Variants in LRP1 observed in about 807,000 individuals in gnomAD.
LRP1 encodes prolow-density lipoprotein receptor-related protein 1.
A neutral mutation model predicts 541.5 loss-of-function variants in LRP1; 51 were observed. That is an observed-to-expected ratio of 0.09 (90% confidence interval 0.08 to 0.12). LRP1 has a LOEUF of 0.12. Among genes scored for constraint, LRP1 ranks in the 10% least tolerant of loss-of-function variants. The pLI is 1.00. For missense variants in LRP1, 3,878 were observed against 6,376.2 expected (o/e 0.61, Z 13.34); for synonymous variants, 2,219 against 2,470.8 (o/e 0.90, Z 3.02).
chr12:57,193,085 C>T (rs2036451306), intron 45 of LRP1, 91 bp from the exon 46 acceptor site: 1 of 1,586,564 alleles, frequency 6.3e-7, no homozygotes, highest in Non-Finnish European at 8.6e-7. Context: ...CAAGAAGACG[C>T]TGATGATGAC....
chr12:57,162,970 C>T lies in LRP1; in HGVS notation c.2517C>T (p.Gly839=), dbSNP rs780085505. 21 of 1,602,918 alleles carry T rather than the reference C, an allele frequency of 1.3e-5. No individual in the cohort carries two copies. The highest frequency in any genetic ancestry group is 4.5e-5 in the South Asian group (4 of 89,560). ...CAEDQVLDAD[G]VTCLANPSYV... is the part of the protein sequence containing the mutation. ...AGGACCAGGTGTTGGACGCAGACGGCGTCACTTGCTTGGGTATGAGGTGCC... is the reference window on the plus strand; with the variant it reads ...AGGACCAGGTGTTGGACGCAGACGGTGTCACTTGCTTGGGTATGAGGTGCC... Residue 839 remains glycine, a synonymous_variant, in exon 15 of 89, where the codon GGC becomes GGT. Transcript: ENST00000243077. This position sits in a 1 kb window ranked among gnomAD's most constrained non-coding sequence, Gnocchi z 5.2.
At chr12:57,146,225 AG>A (rs201125804) in intron 6 of LRP1, among the ~76,000 whole-genome samples, 1 of 150,114 alleles carries the variant, frequency 6.7e-6, no homozygotes, top group East Asian at 2.0e-4. Context: ...CAACCTTAAA[AG>A]TCAACATCTG....
At chr12:57,163,323 T>C (rs1402936248) in intron 15 of LRP1, among the ~76,000 whole-genome samples, 1 of 152,122 alleles carries the variant, frequency 6.6e-6, no homozygotes, top group Non-Finnish European at 1.5e-5. Context: ...GTTCCAAATA[T>C]TGGAAATTAC....
chr12:57,143,645 G>T, intron 3 of LRP1, 34 bp from the exon 4 acceptor site: 1 of 1,595,226 alleles, frequency 6.3e-7, no homozygotes, highest in East Asian at 2.3e-5. Flanking sequence ...CAGATCTGGC[G>T]GCCTGAATAT....
At chr12:57,141,940 C>A (rs184075331) in intron 3 of LRP1, among the ~76,000 whole-genome samples, 2 of 152,346 alleles carry the variant, frequency 1.3e-5, no homozygotes, top group Admixed American at 1.3e-4. Context: ...AGTCCACCTG[C>A]CGCCCCTACG....
Position 57,162,927 on chromosome 12 carries a change from G to T in LRP1, c.2474G>T (p.Arg825Leu). 6.2e-7 allele frequency: 1 copy of T among 1,608,232 alleles called. No individual in the cohort carries two copies. ...SSLCLATPGS[R>L]QCACAEDQVL... ...CTGTGCTTGGCCACCCCTGGGAGCC[G>T]CCAGTGCGCCTGTGCTGAGGACCAG... The change falls in exon 15 of 89, where the codon CGC (arginine) becomes CTC (leucine). Residue 825 changes from arginine (R) to leucine (L), a missense_variant. Physicochemically the swap from Arg to Leu is moderately radical, Grantham distance 102. Around this residue, in one of 13 missense-constraint regions of LRP1, gnomAD observed 496 missense variants for 861.0 expected, o/e 0.58. Coordinates refer to ENST00000243077, the MANE Select transcript of LRP1 (RefSeq NM_002332.3). The surrounding 1 kb of genome is among the most constrained non-coding windows in gnomAD (Gnocchi z 5.2).
In LRP1 at chr12:57,201,823, G is replaced by A. The variant is rs770445215; in HGVS notation, c.10512G>A (p.Ser3504=). 21 of 1,613,866 alleles carry A rather than the reference G, an allele frequency of 1.3e-5. No individual in the cohort carries two copies. In the African/African-American group the frequency reaches 2.3e-4, roughly 17 times the overall value. ...TGGACGAGTTCCGCTGCAAGGATTC[G>A]GGCCGCTGCATCCCAGCGCGTTGGA... is the stretch of plus-strand genomic sequence containing the variant. ...CGVDEFRCKD[S]GRCIPARWKC... Residue 3504 remains serine, a synonymous_variant, in exon 67 of 89, where the codon TCG becomes TCA. Transcript: ENST00000243077. The surrounding 1 kb of genome is among the most constrained non-coding windows in gnomAD (Gnocchi z 6.4).
chr12:57,178,470 C>A lies in LRP1; in HGVS notation c.4473C>A (p.Val1491=). 3 of 1,614,208 alleles carry A rather than the reference C, an allele frequency of 1.9e-6. No homozygotes were observed. Among genetic ancestry groups the A allele is most frequent in the East Asian group, 2.2e-5 (1 of 44,884 alleles). ...PFAVTLYGGE[V]YWTDWRTNTL... ...CAGTGACGCTGTACGGGGGGGAGGT[C>A]TACTGGACTGACTGGCGAACAAACA... Residue 1491 remains valine (V), a synonymous_variant, in exon 27 of 89, where the codon GTC becomes GTA. Transcript: ENST00000243077. The surrounding 1 kb of genome is among the most constrained non-coding windows in gnomAD (Gnocchi z 5.8).
intron 42 of LRP1, among the ~76,000 whole-genome samples, chr12:57,190,206 C>T (rs1178271932): frequency 6.6e-6 from 1 of 152,218 alleles, no homozygotes; most frequent in Non-Finnish European, 1.5e-5. Flanking sequence ...CCACATACCC[C>T]AGGACCTGGG....
In LRP1 at chr12:57,211,170, C is replaced by CCA. The variant is rs1189469535; in HGVS notation, c.12917-3_12917-2dup. 1 of 1,613,574 alleles carries CCA rather than the reference C, an allele frequency of 6.2e-7. No individual in the cohort carries two copies. The highest frequency in any genetic ancestry group is 8.5e-7 in the Non-Finnish European group (1 of 1,179,660). ...TTGAGGCACTTCTCTCCCTCCCCAA[C>CCA]CACAGGGCAGTGCTCTGGCTACTGT... On this transcript the variant is annotated splice_polypyrimidine_tract_variant and splice_region_variant and intron_variant, in intron 83 of 88. Transcript: ENST00000243077. The surrounding 1 kb of genome is among the most constrained non-coding windows in gnomAD (Gnocchi z 4.3).
Position 57,159,832 on chromosome 12 carries a change from C to G in LRP1, c.1806C>G (p.His602Gln), listed in dbSNP as rs772753219. The G allele has an allele frequency of 6.2e-7, 1 of 1,614,068 alleles. No homozygotes were observed. The highest frequency in any genetic ancestry group is 2.2e-5 in the East Asian group (1 of 44,890). ...TCCCTCTTCCCCCAACAGGCATCCA[C>G]AATGTGGAGGGTGTGGCCGTGGACT... Reference protein sequence around the residue: ...ERETILKDGIHNVEGVAVDWM... With the variant: ...ERETILKDGIQNVEGVAVDWM... The change falls in exon 12 of 89, where the codon CAC becomes CAG. Residue 602 changes from histidine to glutamine, a missense_variant. By Grantham distance (24) the His-to-Gln change is conservative. Coordinates refer to ENST00000243077, the MANE Select transcript of LRP1 (RefSeq NM_002332.3).
intron 77 of LRP1, 58 bp downstream of exon 77, chr12:57,208,274 G>A (rs1235536664): frequency 1.3e-6 from 2 of 1,561,668 alleles, no homozygotes; most frequent in African/African-American, 1.4e-5. Context: ...CCCCGGGACA[G>A]GGTTGGGGGC....
At chr12:57,166,335 A>T in intron 17 of LRP1, 126 bp downstream of exon 17, 1 of 1,292,052 alleles carries the variant, frequency 7.7e-7, no homozygotes, top group South Asian at 1.5e-5. Context: ...TGAGAGGATC[A>T]CTTGAGCCCA....
rs1039889207 is a variant in LRP1, at chr12:57,204,105, C to T, written c.10952-305C>T. On this transcript the variant is annotated intron_variant, in intron 70 of 88. Coordinates refer to ENST00000243077, the MANE Select transcript of LRP1 (RefSeq NM_002332.3). The surrounding 1 kb of genome is among the most constrained non-coding windows in gnomAD (Gnocchi z 5.3). ...CTGTTCCCGCGTCCCCGCTGTGGAA[C>T]TACACAGCCCAGTGCTGTTCCCACG... 3.6e-6 allele frequency: 1 copy of T among 281,420 alleles called. No individual in the cohort carries two copies. The allele number at this position is 281,420 out of a possible 1,614,324, so 17.4% of individuals were successfully genotyped here.
rs1046254459 is a variant in LRP1 at position 57,177,360 on chromosome 12, C to T, written c.4197-67C>T. The T allele has an allele frequency of 2.0e-5, 31 of 1,558,986 alleles. No individual in the cohort carries two copies. The highest frequency in any genetic ancestry group is 2.2e-4 in the Middle Eastern group (1 of 4,476). ...TCTGCCTCCTCCCACCCTCTACCTACGATCCCACCACAGTCGCTCCCTGAG... is the reference window on the plus strand; with the variant it reads ...TCTGCCTCCTCCCACCCTCTACCTATGATCCCACCACAGTCGCTCCCTGAG... On this transcript the variant is annotated intron_variant, in intron 25 of 88. Coordinates refer to ENST00000243077, the MANE Select transcript of LRP1 (RefSeq NM_002332.3). This position sits in a 1 kb window ranked among gnomAD's most constrained non-coding sequence, Gnocchi z 6.8.
intron 44 of LRP1, among the ~76,000 whole-genome samples, chr12:57,191,949 A>ACAC (rs2036412415): frequency 2.7e-5 from 1 of 36,638 alleles, no homozygotes; most frequent in Non-Finnish European, 6.0e-5. Context: ...CACCACATAC[A>ACAC]CACACCACAT....
intron 76 of LRP1, among the ~76,000 whole-genome samples, chr12:57,207,064 AC>A (rs2036795605): frequency 1.3e-5 from 2 of 152,110 alleles, no homozygotes; most frequent in Admixed American, 6.5e-5. Context: ...ACACAGTGAA[AC>A]CCCGTCTCTA....
chr12:57,158,118 A>G lies in LRP1; in HGVS notation c.1562-284A>G, dbSNP rs1424501542. Among the ~76,000 whole-genome samples, 1 of 152,154 alleles carries G rather than the reference A, an allele frequency of 6.6e-6. No individual in the cohort carries two copies. The highest frequency in any genetic ancestry group is 1.9e-4 in the East Asian group (1 of 5,194). On this transcript the variant is annotated intron_variant, in intron 10 of 88. Coordinates refer to ENST00000243077, the MANE Select transcript of LRP1 (RefSeq NM_002332.3). This position sits in a 1 kb window ranked among gnomAD's most constrained non-coding sequence, Gnocchi z 5.3. ...ATTTTGAAGGTACTCCTTTTATACC[A>G]CTGATTTCATGACTGATCAGTGGGC...
At chr12:57,129,223 A>G (rs1057224458) in intron 1 of LRP1, 192 bp downstream of exon 1, 3 of 602,782 alleles carry the variant, frequency 5.0e-6, no homozygotes, top group African/African-American at 3.7e-5. Context: ...TGGGCAAATG[A>G]TGCTTCCGGG....
Sources: allele counts gnomAD v4.1 joint callset (sites outside exome capture counted in the v4.1 genomes callset), GRCh38; gene constraint gnomAD v4.1.1; regional missense constraint gnomAD v4.1.1; non-coding constraint Gnocchi (gnomAD v3.1); transcripts MANE v1.5; gene names NCBI Gene and HGNC (gene_info 2026-07-23, HGNC 2026-07-21).